Variants in TTC23 observed in about 807,000 individuals in gnomAD.
The protein encoded by TTC23 is tetratricopeptide repeat protein 23.
In TTC23, 58 loss-of-function variants were observed where a neutral mutation model predicts 55.1. That is an observed-to-expected ratio of 1.05 (90% CI 0.85 to 1.31). The LOEUF is 1.31. TTC23 is among the 50% of genes most tolerant of loss of function. The probability of loss-of-function intolerance (pLI) is 0.00; values close to 1 mark genes in which losing one functional copy is unlikely to be tolerated. For missense variants in TTC23, 516 were observed against 534.4 expected (o/e 0.97, Z 0.34); for synonymous variants, 203 against 199.9 (o/e 1.02, Z -0.13).
intron 6 of TTC23, among the ~76,000 whole-genome samples, chr15:99,220,872 G>T (rs2077864999): frequency 6.6e-6 from 1 of 152,116 alleles, no homozygotes; most frequent in Non-Finnish European, 1.5e-5. Flanking sequence ...GGTGTCTATT[G>T]TTTTTGCCTC....
rs782385351 is a variant in TTC23 at position 99,137,703 on chromosome 15, G to A, written c.*307C>T. ...TGCCGGGCTGACTCCTGCACAGGGC[G>A]CACTGAACTGTTGAAGAGAAGTTTT... On this transcript the variant is annotated 3_prime_UTR_variant, in exon 14 of 14. Transcript: ENST00000394132. 1.7e-5 allele frequency: 6 copies of A among 348,064 alleles called. No individual in the cohort carries two copies. The highest frequency in any genetic ancestry group is 4.1e-5 in the African/African-American group (2 of 48,374). The allele number at this position is 348,064 out of a possible 1,614,324, so 21.6% of individuals were successfully genotyped here.
intron 9 of TTC23, among the ~76,000 whole-genome samples, chr15:99,184,618 T>C (rs185174637): frequency 1.7e-3 from 262 of 152,330 alleles, no homozygotes; most frequent in Middle Eastern, 6.8e-3. Context: ...CCCCACTGTA[T>C]CTAGGAAGTA....
intron 9 of TTC23, among the ~76,000 whole-genome samples, chr15:99,189,714 T>G (rs1410975750): frequency 1.3e-5 from 2 of 152,170 alleles, no homozygotes; most frequent in East Asian, 3.9e-4. Context: ...AATTTCAATG[T>G]CATAAGAGAC....
chr15:99,248,122 A>G (rs1227847471), intron 1 of TTC23: 1 of 152,204 alleles, frequency 6.6e-6, no homozygotes, highest in African/African-American at 2.4e-5. Context: ...AAAGAAGTGC[A>G]TCAAAATTTA....
At chr15:99,165,648 G>A (rs992040579) in intron 10 of TTC23, among the ~76,000 whole-genome samples, 2 of 152,020 alleles carry the variant, frequency 1.3e-5, no homozygotes, top group African/African-American at 4.8e-5. Flanking sequence ...ACCAGCAGAT[G>A]CATTTCTGGA....
At chr15:99,207,913 T>A (rs1415852217) in intron 8 of TTC23, among the ~76,000 whole-genome samples, 1 of 152,182 alleles carries the variant, frequency 6.6e-6, no homozygotes, top group Non-Finnish European at 1.5e-5. Flanking sequence ...CCAGTAAAAT[T>A]GAAGATGCAG....
chr15:99,229,844 A>G (rs2078788995), intron 4 of TTC23, among the ~76,000 whole-genome samples: 1 of 152,238 alleles, frequency 6.6e-6, no homozygotes, highest in South Asian at 2.1e-4. Flanking sequence ...ATCTCAGTAG[A>G]GGCGATAATT....
At chr15:99,155,233 C>A (rs1299425179) in intron 12 of TTC23, 1 of 152,032 alleles carries the variant, frequency 6.6e-6, no homozygotes, top group Non-Finnish European at 1.5e-5. Flanking sequence ...TAGAATTAAA[C>A]TTAATAAGAA....
chr15:99,173,274 A>G (rs1047846129), intron 10 of TTC23, among the ~76,000 whole-genome samples: 2 of 152,200 alleles, frequency 1.3e-5, no homozygotes, highest in African/African-American at 4.8e-5. Flanking sequence ...AGCCTTAAAC[A>G]TATTTCAGTT....
chr15:99,208,690 TAAAAG>T (rs767182914), intron 8 of TTC23, among the ~76,000 whole-genome samples: 84 of 151,532 alleles, frequency 5.5e-4, no homozygotes, highest in Admixed American at 1.4e-3. Context: ...ACTATTCACA[TAAAAG>T]AAAAGGCAAA....
At chr15:99,229,717 G>A (rs2078774691) in intron 4 of TTC23, among the ~76,000 whole-genome samples, 1 of 152,226 alleles carries the variant, frequency 6.6e-6, no homozygotes, top group South Asian at 2.1e-4. Context: ...CCTTCAATAA[G>A]GTTACAGGGA....
intron 5 of TTC23, 108 bp downstream of exon 5, chr15:99,228,425 T>C (rs1241917564): frequency 3.0e-6 from 3 of 1,010,460 alleles, no homozygotes; most frequent in East Asian, 2.6e-5. Context: ...TACTTTCTTG[T>C]ATCAAACTGC....
Position 99,136,599 on chromosome 15 carries a change from G to T in TTC23, c.*1411C>A, listed in dbSNP as rs187973400. On this transcript the variant is annotated 3_prime_UTR_variant, in exon 14 of 14. Coordinates refer to ENST00000394132, the MANE Select transcript of TTC23 (RefSeq NM_001288615.3). ...TATAAAGCACTAATCCCATTCATCA[G>T]GGCTCCACCCTCATAACCTAATCAC... 1.2e-4 allele frequency: 19 copies of T among 152,238 alleles called. No individual in the cohort carries two copies. Among genetic ancestry groups the T allele is most frequent in the African/African-American group, 4.6e-4 (19 of 41,532 alleles). 9.4% of individuals were successfully genotyped at this position (152,238 alleles called of 1,614,324 possible). A position where few individuals can be genotyped will look rare whatever the true frequency, so the allele number is the denominator to read the frequency against.
At chr15:99,251,100 A>G (rs2080705398), upstream of TTC23, 2 of 152,190 alleles carry the variant, frequency 1.3e-5, no homozygotes, top group Non-Finnish European at 2.9e-5. Context: ...GAATGTATGA[A>G]TGAAGGAACA....
At chr15:99,217,923 G>C (rs1230500404) in intron 8 of TTC23, among the ~76,000 whole-genome samples, 1 of 152,168 alleles carries the variant, frequency 6.6e-6, no homozygotes, top group Non-Finnish European at 1.5e-5. Context: ...GCTAAGGGCA[G>C]CCATGTAGGT....
At chr15:99,177,012 G>A (rs978868564) in intron 9 of TTC23, among the ~76,000 whole-genome samples, 1 of 152,184 alleles carries the variant, frequency 6.6e-6, no homozygotes, top group Non-Finnish European at 1.5e-5. Flanking sequence ...TGGCACAGGA[G>A]ATCAAGTCAT....
intron 3 of TTC23, among the ~76,000 whole-genome samples, chr15:99,236,444 T>C (rs1253527773): frequency 6.6e-6 from 1 of 152,074 alleles, no homozygotes; most frequent in Non-Finnish European, 1.5e-5. Context: ...TTTGGATAAA[T>C]GTCTATTGGA....
At chr15:99,142,783 G>C (rs1381757205) in intron 12 of TTC23, among the ~76,000 whole-genome samples, 2 of 152,144 alleles carry the variant, frequency 1.3e-5, no homozygotes, top group Non-Finnish European at 2.9e-5. Flanking sequence ...ATCCCCACCT[G>C]TTACAAACCC....
intron 8 of TTC23, among the ~76,000 whole-genome samples, chr15:99,213,004 AAAG>A (rs1316209872): frequency 9.4e-4 from 124 of 132,424 alleles, no homozygotes; most frequent in African/African-American, 2.7e-3. Context: ...AAAAAAAAAA[AAAG>A]GGGGGGACAT....
Sources: allele counts gnomAD v4.1 joint callset (sites outside exome capture counted in the v4.1 genomes callset), GRCh38; gene constraint gnomAD v4.1.1; transcripts MANE v1.5; gene names NCBI Gene and HGNC (gene_info 2026-07-23, HGNC 2026-07-21).